PCNX1: variants seen among roughly 807,000 people sequenced by gnomAD.
The protein encoded by PCNX1 is pecanex 1, also known as pecanex-like protein 1.
A neutral mutation model predicts 242.2 loss-of-function variants in PCNX1; 78 were observed. That is an observed-to-expected ratio of 0.32 (90% CI 0.27 to 0.39). PCNX1 has a LOEUF of 0.39. Ranked by LOEUF, PCNX1 falls within the 10% of genes least tolerant of loss-of-function variation. The pLI is 1.00. For missense variants in PCNX1, 2,581 were observed against 2,856.5 expected, an observed-to-expected ratio of 0.90 and a Z score of 2.20; for synonymous variants, 1,024 against 1,032.9, an observed-to-expected ratio of 0.99 and a Z score of 0.17.
intron 1 of PCNX1, among the ~76,000 whole-genome samples, chr14:70,931,711 T>A (rs1161403723): frequency 5.3e-5 from 8 of 152,238 alleles, no homozygotes. Flanking sequence ...AGTTCAGTTT[T>A]TCGCAATAAA....
intron 1 of PCNX1, among the ~76,000 whole-genome samples, chr14:70,918,476 AGATTACT>A (rs1196854583): frequency 6.6e-6 from 1 of 152,254 alleles, no homozygotes; most frequent in Non-Finnish European, 1.5e-5. Flanking sequence ...GTAAAATCAA[AGATTACT>A]GATTACAGAT....
At chr14:70,957,548 A>G (rs932750230) in intron 2 of PCNX1, among the ~76,000 whole-genome samples, 4 of 152,190 alleles carry the variant, frequency 2.6e-5, no homozygotes, top group African/African-American at 9.6e-5. Context: ...GATTCCATTT[A>G]TATAGAATGT....
intron 3 of PCNX1, among the ~76,000 whole-genome samples, chr14:70,965,596 G>A (rs949503533): frequency 1.3e-5 from 2 of 148,808 alleles, no homozygotes; most frequent in Non-Finnish European, 3.0e-5. Context: ...CCGGGAGGTG[G>A]AGGTTGCAGT....
At chr14:71,003,887 A>T (rs1211526625) in intron 8 of PCNX1, among the ~76,000 whole-genome samples, 1 of 152,230 alleles carries the variant, frequency 6.6e-6, no homozygotes, top group Non-Finnish European at 1.5e-5. Context: ...CTTCTGATTT[A>T]AAAAGCTAGA....
intron 26 of PCNX1, among the ~76,000 whole-genome samples, chr14:71,067,480 T>G (rs1172054423): frequency 1.3e-5 from 2 of 152,168 alleles, no homozygotes; most frequent in Non-Finnish European, 2.9e-5. Flanking sequence ...TCATTTTTTG[T>G]GTCCATTTGA....
chr14:71,060,230 C>T (rs1184702269), intron 26 of PCNX1, among the ~76,000 whole-genome samples: 2 of 152,048 alleles, frequency 1.3e-5, no homozygotes, highest in Non-Finnish European at 2.9e-5. Flanking sequence ...TATGGTGATG[C>T]TGGTATAAAC....
At chr14:71,009,573 A>T in intron 8 of PCNX1, 61 bp from the exon 9 acceptor site, 1 of 963,772 alleles carries the variant, frequency 1.0e-6, no homozygotes, top group Non-Finnish European at 1.5e-6. Flanking sequence ...AATTTAGTAT[A>T]TCATGAAGGA....
intron 28 of PCNX1, among the ~76,000 whole-genome samples, chr14:71,085,194 T>C (rs1298319517): frequency 6.6e-6 from 1 of 152,142 alleles, no homozygotes; most frequent in Non-Finnish European, 1.5e-5. Context: ...CCAGTCCCAA[T>C]GCGATGAGCC....
At chr14:70,942,567 A>G (rs1182253002) in intron 1 of PCNX1, among the ~76,000 whole-genome samples, 2 of 152,120 alleles carry the variant, frequency 1.3e-5, no homozygotes, top group South Asian at 2.1e-4. Context: ...CTCCAATTCA[A>G]TTCAATTCTG....
At chr14:71,003,080 C>CTTTTTTTTT (rs3083307) in intron 8 of PCNX1, among the ~76,000 whole-genome samples, 957 of 95,412 alleles carry the variant, frequency 0.01, 59 homozygotes, top group East Asian at 0.02. Context: ...TGGTTGTCTT[C>CTTTTTTTTT]TTTTTTTTTT....
chr14:70,988,848 C>G, intron 7 of PCNX1, 149 bp downstream of exon 7: 1 of 841,320 alleles, frequency 1.2e-6, no homozygotes, highest in Non-Finnish European at 1.9e-6. Flanking sequence ...TTGGCTTTTT[C>G]TGCATGTGAC....
In PCNX1 at chr14:71,108,772, C is replaced by T. The variant is rs1285722706; in HGVS notation, c.6470C>T (p.Ser2157Leu). ...CGGCGCTCTTCTACTAGTCAGATAT[C>T]GCTTCGAAACTTGCCATCATCCATC... is the stretch of plus-strand genomic sequence containing the variant. ...PCRRSSTSQI[S>L]LRNLPSSIQS... The change falls in exon 34 of 36, where the codon TCG (serine) becomes TTG (leucine). Residue 2157 changes from serine to leucine, a missense_variant. By Grantham distance (145) the Ser-to-Leu change is moderately radical. This residue lies in a region of PCNX1 where 432 missense variants were observed against 433.6 expected (regional missense o/e 1.00). Transcript: ENST00000304743. 4 of 1,614,250 alleles carry T rather than the reference C, an allele frequency of 2.5e-6. No individual in the cohort carries two copies. Among genetic ancestry groups the T allele is most frequent in the African/African-American group, 1.3e-5 (1 of 75,066 alleles).
intron 30 of PCNX1, chr14:71,093,968 TTAGTAAGGCTTC>T (rs1489547208): frequency 6.6e-6 from 1 of 152,248 alleles, no homozygotes; most frequent in Non-Finnish European, 1.5e-5. Flanking sequence ...GACTATGTTA[TTAGTAAGGCTTC>T]TAGTCAACAG....
intron 1 of PCNX1, among the ~76,000 whole-genome samples, chr14:70,909,935 CG>C (rs1208867605): frequency 6.6e-6 from 1 of 151,824 alleles, no homozygotes; most frequent in Non-Finnish European, 1.5e-5. Context: ...TCAGTACATG[CG>C]GTTAGCATGA....
chr14:70,992,305 T>A (rs2140294000), intron 7 of PCNX1, among the ~76,000 whole-genome samples: 1 of 152,304 alleles, frequency 6.6e-6, no homozygotes, highest in South Asian at 2.1e-4. Flanking sequence ...TCTTAAAATT[T>A]ATTTTTTAAA....
intron 30 of PCNX1, among the ~76,000 whole-genome samples, chr14:71,098,016 C>T (rs182451636): frequency 6.6e-6 from 1 of 152,210 alleles, no homozygotes; most frequent in Non-Finnish European, 1.5e-5. Flanking sequence ...TAGCCAGCTA[C>T]CCTAGCACCA....
chr14:70,941,690 T>G (rs988143219), intron 1 of PCNX1, among the ~76,000 whole-genome samples: 37 of 152,166 alleles, frequency 2.4e-4, no homozygotes, highest in African/African-American at 8.9e-4. Flanking sequence ...CTGCAGAAGT[T>G]TCTGCTGCCT....
intron 8 of PCNX1, among the ~76,000 whole-genome samples, chr14:71,006,101 GTC>G (rs1362955144): frequency 1.2e-4 from 12 of 103,460 alleles, no homozygotes; most frequent in Admixed American, 4.0e-4. Context: ...ACGTGTGTGT[GTC>G]TGTGTGTGTG....
intron 28 of PCNX1, among the ~76,000 whole-genome samples, chr14:71,079,003 C>T (rs2061784792): frequency 6.6e-6 from 1 of 152,116 alleles, no homozygotes; most frequent in Non-Finnish European, 1.5e-5. Flanking sequence ...TCCCATAGCC[C>T]CCTACACCCC....
Sources: gnomAD v4.1 joint callset for allele counts (sites outside exome capture counted in the v4.1 genomes callset) on GRCh38, gnomAD v4.1.1 for gene constraint, gnomAD v4.1.1 regional missense constraint, MANE v1.5 for transcripts, NCBI Gene and HGNC (gene_info 2026-07-23, HGNC 2026-07-21) for gene names.